COX5B: variants seen among roughly 807,000 people sequenced by gnomAD.
The protein encoded by COX5B is cytochrome c oxidase subunit 5B, mitochondrial.
In COX5B, 8 loss-of-function variants were observed where a neutral mutation model predicts 16.2. That is an observed-to-expected ratio of 0.49 (90% confidence interval 0.29 to 0.89). The LOEUF (loss-of-function observed/expected upper bound fraction) is 0.89. COX5B is among the 40% of genes least tolerant of loss of function. The pLI is 0.08. For missense variants in COX5B, 161 were observed against 168.7 expected, an observed-to-expected ratio of 0.95 and a Z score of 0.25; for synonymous variants, 65 against 67.6, an observed-to-expected ratio of 0.96 and a Z score of 0.19.
chr2:97,647,392 G>C lies in COX5B; in HGVS notation c.226G>C (p.Asp76His), dbSNP rs148368138. 89 of 1,614,068 alleles carry C rather than the reference G, an allele frequency of 5.5e-5. No individual in the cohort carries two copies. The highest frequency in any genetic ancestry group is 7.5e-5 in the Non-Finnish European group (89 of 1,180,046). The part of the protein sequence containing the change: ...APKGASGTRE[D>H]PNLVPSISNK... ...AAAGGGAGCTTCAGGCACCAGGGAAGACCCTAATTTAGTCCCCTCCATCTC... is the reference window on the plus strand; with the variant it reads ...AAAGGGAGCTTCAGGCACCAGGGAACACCCTAATTTAGTCCCCTCCATCTC... Residue 76 changes from aspartate to histidine, a missense_variant, in exon 3 of 4, where the codon GAC becomes CAC. Physicochemically the swap from Asp to His is moderately conservative, Grantham distance 81. Coordinates refer to ENST00000258424, the MANE Select transcript of COX5B (RefSeq NM_001862.3).
intron 3 of COX5B, 100 bp downstream of exon 3, chr2:97,647,543 GT>G (rs1185485484): frequency 2.3e-5 from 24 of 1,025,970 alleles, no homozygotes; most frequent in Non-Finnish European, 3.0e-5. Context: ...ATGTTGGTAA[GT>G]TTGTCTAAGG....
In COX5B at chr2:97,646,728, G is replaced by T. The variant is rs1674660541; in HGVS notation, c.104-339G>T. On this transcript the variant is annotated intron_variant, in intron 1 of 3. Coordinates refer to ENST00000258424, the MANE Select transcript of COX5B (RefSeq NM_001862.3). ...CCGGGCGTGGTGGCGCGCGCCTGTA[G>T]TCCCAGCTACTCGGGAGGCTGAGGC... 5 of 250,910 alleles carry T rather than the reference G, an allele frequency of 2.0e-5. No homozygotes were observed. The South Asian group carries it at 2.3e-4, about 12-fold the overall frequency. The allele number at this position is 250,910 out of a possible 1,614,324, so 15.5% of individuals were successfully genotyped here.
intron 1 of COX5B, chr2:97,646,716 C>G (rs1218200423): frequency 4.4e-6 from 1 of 225,358 alleles, no homozygotes; most frequent in African/African-American, 2.3e-5. Context: ...GGCGTGGTGG[C>G]GCGCGCCTGT....
chr2:97,646,431 C>T (rs1173757895), intron 1 of COX5B: 3 of 489,640 alleles, frequency 6.1e-6, no homozygotes, highest in Non-Finnish European at 1.1e-5. Flanking sequence ...TGGGAGGGAC[C>T]GGGGCTGCCA....
chr2:97,647,905 G>A (rs1346031455), intron 3 of COX5B, 91 bp from the exon 4 acceptor site: 1 of 1,047,104 alleles, frequency 9.6e-7, no homozygotes, highest in Non-Finnish European at 1.5e-6. Context: ...AGTCTTACTT[G>A]TGTATCAGAG....
At position 97,648,019 on chromosome 2, in the gene COX5B, G is replaced by A. The variant is rs771954648; in HGVS notation, c.301G>A (p.Val101Ile). Residue 101 changes from valine (V) to isoleucine (I), a missense_variant, in exon 4 of 4, where the codon GTC becomes ATC. Transcript: ENST00000258424. Reference sequence around the variant, plus strand: ...AGGTGAAGAGGACAATACCAGCGTCGTCTGGTTTTGGCTGCACAAAGGCGA... The same window carrying A: ...AGGTGAAGAGGACAATACCAGCGTCATCTGGTTTTGGCTGCACAAAGGCGA... ...CICEEDNTSV[V>I]WFWLHKGEAQ... 1.7e-5 allele frequency: 27 copies of A among 1,613,682 alleles called. No homozygotes were observed. The highest frequency in any genetic ancestry group is 2.3e-5 in the Non-Finnish European group (27 of 1,179,846).
chr2:97,647,566 C>A, intron 3 of COX5B, 123 bp downstream of exon 3: 1 of 825,108 alleles, frequency 1.2e-6, no homozygotes, highest in Non-Finnish European at 2.0e-6. Flanking sequence ...TCTTGACACT[C>A]TCAAGCCTCA....
At chr2:97,646,674 C>T in intron 1 of COX5B, 1 of 220,344 alleles carries the variant, frequency 4.5e-6, no homozygotes, top group Non-Finnish European at 9.2e-6. Flanking sequence ...ATGGTAAAAC[C>T]CCGTTTCTAC....
At position 97,646,169 on chromosome 2, in the gene COX5B, T is replaced by A; in HGVS notation, c.83T>A (p.Met28Lys). The change falls in exon 1 of 4, where the codon ATG becomes AAG. Residue 28 changes from methionine to lysine, a missense_variant. Met to Lys is a moderately conservative substitution (Grantham distance 95). Transcript: ENST00000258424. ...CGCGGCCCCAGTGGCGCGGCCGCGA[T>A]GCGCTCCATGGCATCTGGAGGTACT... ...RARGPSGAAA[M>K]RSMASGGGVP... 6.5e-7 allele frequency: 1 copy of A among 1,550,338 alleles called. No individual in the cohort carries two copies. Among genetic ancestry groups the A allele is most frequent in the East Asian group, 2.4e-5 (1 of 41,032 alleles).
intron 3 of COX5B, 53 bp downstream of exon 3, chr2:97,647,496 G>C (rs1674680098): frequency 4.1e-6 from 6 of 1,447,426 alleles, no homozygotes; most frequent in Middle Eastern, 1.7e-4. Context: ...TCCTACAATA[G>C]TGTGTAAGCT....
rs560717409 is a variant in COX5B, at chr2:97,646,740, C to T, written c.104-327C>T. On this transcript the variant is annotated intron_variant, in intron 1 of 3. Coordinates refer to ENST00000258424, the MANE Select transcript of COX5B (RefSeq NM_001862.3). ...GCGCGCGCCTGTAGTCCCAGCTACT[C>T]GGGAGGCTGAGGCAGGAGAATCGCT... 5.4e-4 allele frequency: 138 copies of T among 257,366 alleles called. No homozygotes were observed. In the Middle Eastern group the frequency reaches 1.0e-2, roughly 19 times the overall value. The allele number at this position is 257,366 out of a possible 1,614,324, so 15.9% of individuals were successfully genotyped here.
Position 97,647,411 on chromosome 2 carries a change from C to T in COX5B, c.245C>T (p.Ser82Phe). ...AGGGAAGACCCTAATTTAGTCCCCTCCATCTCCAACAAGAGAATAGTAGGC... is the reference window on the plus strand; with the variant it reads ...AGGGAAGACCCTAATTTAGTCCCCTTCATCTCCAACAAGAGAATAGTAGGC... ...GTREDPNLVP[S>F]ISNKRIVGCI... The change falls in exon 3 of 4, where the codon TCC (serine) becomes TTC (phenylalanine). Residue 82 changes from serine (S) to phenylalanine (F), a missense_variant. Coordinates refer to ENST00000258424, the MANE Select transcript of COX5B (RefSeq NM_001862.3). 6.2e-7 allele frequency: 1 copy of T among 1,614,126 alleles called. No homozygotes were observed. Among genetic ancestry groups the T allele is most frequent in the Non-Finnish European group, 8.5e-7 (1 of 1,179,970 alleles).
In COX5B at chr2:97,646,067, T is replaced by G. The variant is rs1293484525; in HGVS notation, c.-20T>G. On this transcript the variant is annotated 5_prime_UTR_variant, in exon 1 of 4. Transcript: ENST00000258424. ...CTCTGCAGCTTGTTCCCGGAAGTTT[T>G]GCTGCTAGTCGCGGACGCAATGGCT... 6.5e-7 allele frequency: 1 copy of G among 1,545,560 alleles called. No individual in the cohort carries two copies. Among genetic ancestry groups the G allele is most frequent in the Non-Finnish European group, 8.8e-7 (1 of 1,141,292 alleles).
rs1674669269 is a variant in COX5B at position 97,646,984 on chromosome 2, AC to A, written c.104-81del. On this transcript the variant is annotated intron_variant, in intron 1 of 3. Transcript: ENST00000258424. ...AAAACTTATACAGAAGTTTCGGGGC[AC>A]CATTTTCCTTGATCATTTCTGTTTG... The A allele has an allele frequency of 2.1e-6, 3 of 1,433,636 alleles. No individual in the cohort carries two copies. In the South Asian group the frequency reaches 3.5e-5, roughly 17 times the overall value. The allele number at this position is 1,433,636 out of a possible 1,614,324, so 88.8% of individuals were successfully genotyped here.
chr2:97,646,091 C>G lies in COX5B; in HGVS notation c.5C>G (p.Ala2Gly), dbSNP rs936461434. M[A>G]SRLLRGAGTL... ...TTGCTGCTAGTCGCGGACGCAATGG[C>G]TTCAAGGTTACTTCGCGGAGCTGGA... Residue 2 changes from alanine to glycine, a missense_variant, in exon 1 of 4, where the codon GCT becomes GGT. Ala to Gly is a moderately conservative substitution (Grantham distance 60). Coordinates refer to ENST00000258424, the MANE Select transcript of COX5B (RefSeq NM_001862.3). 6.4e-7 allele frequency: 1 copy of G among 1,555,300 alleles called. No individual in the cohort carries two copies. Among genetic ancestry groups the G allele is most frequent in the Non-Finnish European group, 8.7e-7 (1 of 1,149,060 alleles).
Position 97,647,990 on chromosome 2 carries a change from T to C in COX5B, c.278-6T>C. ...ATGACCATAAACCACCTTTTTTCCC[T>C]TTTAGGTGAAGAGGACAATACCAGC... On this transcript the variant is annotated splice_polypyrimidine_tract_variant and splice_region_variant and intron_variant, in intron 3 of 3. Transcript: ENST00000258424. The C allele has an allele frequency of 6.2e-7, 1 of 1,612,228 alleles. No individual in the cohort carries two copies. The highest frequency in any genetic ancestry group is 8.5e-7 in the Non-Finnish European group (1 of 1,179,398).
In COX5B at chr2:97,648,001, G is replaced by A. The variant is rs531286842; in HGVS notation, c.283G>A (p.Glu95Lys). 6.2e-7 allele frequency: 1 copy of A among 1,613,426 alleles called. No homozygotes were observed. Among genetic ancestry groups the A allele is most frequent in the South Asian group, 1.1e-5 (1 of 90,858 alleles). ...NKRIVGCICE[E>K]DNTSVVWFWL... ...CCACCTTTTTTCCCTTTTAGGTGAA[G>A]AGGACAATACCAGCGTCGTCTGGTT... is the stretch of plus-strand genomic sequence containing the variant. The change falls in exon 4 of 4, where the codon GAG becomes AAG. Residue 95 changes from glutamate (E) to lysine (K), a missense_variant. Transcript: ENST00000258424.
At chr2:97,646,364 C>T (rs1478659981) in intron 1 of COX5B, 175 bp downstream of exon 1, 2 of 567,346 alleles carry the variant, frequency 3.5e-6, no homozygotes, top group Non-Finnish European at 6.2e-6. Context: ...CTGCTCCTGC[C>T]GCTCCCCGAA....
Position 97,646,122 on chromosome 2 carries a change from G to A in COX5B, c.36G>A (p.Leu12=), listed in dbSNP as rs1199231398. The A allele has an allele frequency of 1.3e-6, 2 of 1,557,330 alleles. No individual in the cohort carries two copies. Among genetic ancestry groups the A allele is most frequent in the East Asian group, 2.4e-5 (1 of 41,386 alleles). Residue 12 remains leucine (L), a synonymous_variant, in exon 1 of 4, where the codon CTG becomes CTA. Coordinates refer to ENST00000258424, the MANE Select transcript of COX5B (RefSeq NM_001862.3). ...GGTTACTTCGCGGAGCTGGAACGCT[G>A]GCCGCGCAGGCCCTGAGGGCTCGCG... ...ASRLLRGAGT[L]AAQALRARGP... is the part of the protein sequence containing the mutation.
Sources: allele counts gnomAD v4.1 joint callset, GRCh38; gene constraint gnomAD v4.1.1; transcripts MANE v1.5; gene names NCBI Gene and HGNC (gene_info 2026-07-23, HGNC 2026-07-21).